The following DLGAP2 variants were observed in gnomAD, a reference collection of about 807,000 sequenced individuals.
The protein encoded by DLGAP2 is DLG associated protein 2, also known as disks large-associated protein 2.
A neutral mutation model predicts 100.3 loss-of-function variants in DLGAP2; 26 were observed. That is an observed-to-expected ratio of 0.26 (90% CI 0.19 to 0.36). The LOEUF (loss-of-function observed/expected upper bound fraction) is 0.36, where lower values mean the gene tolerates loss of function less well. Ranked by LOEUF, DLGAP2 falls within the 10% of genes least tolerant of loss-of-function variation. The probability of loss-of-function intolerance (pLI) is 1.00; values close to 1 mark genes in which losing one functional copy is unlikely to be tolerated. For missense variants in DLGAP2, 1,858 were observed against 1,453.2 expected, an observed-to-expected ratio of 1.28 and a Z score of -4.53; for synonymous variants, 886 against 630.1, an observed-to-expected ratio of 1.41 and a Z score of -6.08.
intron 2 of DLGAP2, among the ~76,000 whole-genome samples, chr8:1,107,008 C>G (rs548066733): frequency 3.2e-4 from 49 of 152,224 alleles, no homozygotes; most frequent in African/African-American, 1.2e-3. Flanking sequence ...TCTATTAAAC[C>G]GCACCTGTAT....
chr8:1,099,133 G>A (rs899550678), intron 2 of DLGAP2, among the ~76,000 whole-genome samples: 1 of 152,112 alleles, frequency 6.6e-6, no homozygotes, highest in South Asian at 2.1e-4. Flanking sequence ...CAGCCTCGCC[G>A]GTGTTCCTGG....
At chr8:872,907 C>A (rs566825154) in intron 1 of DLGAP2, among the ~76,000 whole-genome samples, 5 of 152,292 alleles carry the variant, frequency 3.3e-5, no homozygotes, top group African/African-American at 1.2e-4. Context: ...ATACGCAGAT[C>A]CACGGATGCT....
chr8:1,046,916 A>G (rs1330920940), intron 2 of DLGAP2, among the ~76,000 whole-genome samples: 1 of 151,704 alleles, frequency 6.6e-6, no homozygotes, highest in African/African-American at 2.4e-5. Context: ...CCAGGTTTGA[A>G]AGGACTGAAA....
intron 6 of DLGAP2, among the ~76,000 whole-genome samples, chr8:1,625,165 C>A (rs1797459914): frequency 6.6e-6 from 1 of 152,190 alleles, no homozygotes; most frequent in Non-Finnish European, 1.5e-5. Context: ...GTCCACCTAA[C>A]ATCTATAGAC....
At chr8:1,119,454 C>T (rs1795984628) in intron 2 of DLGAP2, among the ~76,000 whole-genome samples, 1 of 152,216 alleles carries the variant, frequency 6.6e-6, no homozygotes, top group Non-Finnish European at 1.5e-5. Flanking sequence ...TGCTTAACTT[C>T]TGTACTCATC....
chr8:1,442,361 A>G (rs35057511), intron 3 of DLGAP2, among the ~76,000 whole-genome samples: 255 of 84,198 alleles, frequency 3.0e-3, no homozygotes, highest in African/African-American at 5.1e-3. Context: ...AGACCCGCCA[A>G]GCTGCTGTGG....
chr8:1,653,495 C>T (rs1192744784), intron 8 of DLGAP2, among the ~76,000 whole-genome samples: 1 of 152,218 alleles, frequency 6.6e-6, no homozygotes, highest in Non-Finnish European at 1.5e-5. Context: ...CAAACTGATG[C>T]TTACTGATCC....
chr8:1,360,115 G>C (rs979407015), intron 3 of DLGAP2, among the ~76,000 whole-genome samples: 1 of 151,998 alleles, frequency 6.6e-6, no homozygotes, highest in Non-Finnish European at 1.5e-5. Flanking sequence ...GGAGGAGAGC[G>C]GGTTGCAGGG....
At chr8:1,451,038 C>T (rs1474988996) in intron 3 of DLGAP2, among the ~76,000 whole-genome samples, 1 of 152,088 alleles carries the variant, frequency 6.6e-6, no homozygotes, top group Non-Finnish European at 1.5e-5. Flanking sequence ...GCTCACTTGG[C>T]AGAGCTCCTG....
chr8:1,607,160 A>G (rs915112643), intron 6 of DLGAP2, among the ~76,000 whole-genome samples: 2 of 152,262 alleles, frequency 1.3e-5, no homozygotes, highest in Non-Finnish European at 2.9e-5. Context: ...TTGCATATGT[A>G]ACATTATATT....
intron 2 of DLGAP2, among the ~76,000 whole-genome samples, chr8:1,005,302 G>T (rs1488918061): frequency 6.6e-6 from 1 of 152,018 alleles, no homozygotes; most frequent in African/African-American, 2.4e-5. Flanking sequence ...TACTCAGAAA[G>T]TCTGCAGAGA....
At chr8:1,570,814 G>GGC in intron 6 of DLGAP2, among the ~76,000 whole-genome samples, 2 of 147,248 alleles carry the variant, frequency 1.4e-5, no homozygotes, top group South Asian at 2.2e-4. Context: ...GAACTGTGGG[G>GGC]ATGTCTGATG....
intron 8 of DLGAP2, among the ~76,000 whole-genome samples, chr8:1,656,386 T>C (rs1798285954): frequency 6.6e-6 from 1 of 152,082 alleles, no homozygotes; most frequent in African/African-American, 2.4e-5. Context: ...GAAAGGAGCC[T>C]TTCTGACACA....
chr8:1,648,189 T>C (rs1333400583), intron 8 of DLGAP2, among the ~76,000 whole-genome samples: 3 of 152,222 alleles, frequency 2.0e-5, no homozygotes, highest in African/African-American at 7.2e-5. Context: ...ATTGAGAGTT[T>C]GTCCTAACTT....
At chr8:1,668,021 G>A (rs1043312807) in intron 8 of DLGAP2, among the ~76,000 whole-genome samples, 7 of 152,106 alleles carry the variant, frequency 4.6e-5, no homozygotes, top group Non-Finnish European at 1.0e-4. Context: ...TTGCCTAGCT[G>A]TGTCTCTGCT....
chr8:1,448,855 C>G (rs561237402), intron 3 of DLGAP2, among the ~76,000 whole-genome samples: 4 of 152,314 alleles, frequency 2.6e-5, no homozygotes, highest in African/African-American at 9.6e-5. Flanking sequence ...AGCCTGGATT[C>G]TAATGTTGAT....
At chr8:1,007,554 G>T (rs949889952) in intron 2 of DLGAP2, among the ~76,000 whole-genome samples, 2 of 150,430 alleles carry the variant, frequency 1.3e-5, no homozygotes, top group Admixed American at 1.3e-4. Flanking sequence ...AAGCCATGTG[G>T]CCATAGTCTG....
At chr8:813,031 G>A (rs1258532497) in intron 1 of DLGAP2, among the ~76,000 whole-genome samples, 3 of 152,194 alleles carry the variant, frequency 2.0e-5, no homozygotes, top group Non-Finnish European at 4.4e-5. Context: ...TAGAACACAT[G>A]TAATTTTTCA....
intron 3 of DLGAP2, among the ~76,000 whole-genome samples, chr8:1,451,914 C>A (rs547948719): frequency 6.6e-6 from 1 of 152,362 alleles, no homozygotes; most frequent in South Asian, 2.1e-4. Context: ...ACGGCCCAGG[C>A]CCCACACCCT....
Sources: gnomAD v4.1 joint callset for allele counts (sites outside exome capture counted in the v4.1 genomes callset) on GRCh38, gnomAD v4.1.1 for gene constraint, MANE v1.5 for transcripts, NCBI Gene and HGNC (gene_info 2026-07-23, HGNC 2026-07-21) for gene names.